The following MTTP variants were observed in gnomAD, a reference collection of about 807,000 sequenced individuals.
The protein encoded by MTTP is microsomal triglyceride transfer protein large subunit.
Under a neutral mutation model 90.6 loss-of-function variants are expected in MTTP, and 49 were observed. That is an observed-to-expected ratio of 0.54 (90% confidence interval 0.43 to 0.69). The LOEUF (loss-of-function observed/expected upper bound fraction) is 0.69, where lower values mean the gene tolerates loss of function less well. Among genes scored for constraint, MTTP ranks in the 30% least tolerant of loss-of-function variants. MTTP has a pLI of 0.00. For synonymous variants in MTTP, 347 were observed against 384.2 expected (o/e 0.90, Z 1.13); for missense variants, 945 against 1,067.5 (o/e 0.89, Z 1.60).
intron 10 of MTTP, among the ~76,000 whole-genome samples, 178 bp from the exon 11 acceptor site, chr4:99,606,570 A>T (rs1725821398): frequency 6.6e-6 from 1 of 152,192 alleles, no homozygotes; most frequent in African/African-American, 2.4e-5. Context: ...AAAAAGCATA[A>T]CACCTTTATC....
intron 1 of MTTP, among the ~76,000 whole-genome samples, chr4:99,568,040 A>T (rs1392199339): frequency 6.6e-6 from 1 of 152,138 alleles, no homozygotes; most frequent in Non-Finnish European, 1.5e-5. Flanking sequence ...AATAATAGAA[A>T]ATATTAGAGA....
At chr4:99,618,856 C>A in intron 15 of MTTP, 118 bp from the exon 16 acceptor site, 1 of 1,367,006 alleles carries the variant, frequency 7.3e-7, no homozygotes, top group Non-Finnish European at 1.0e-6. Context: ...AAGACTCCAA[C>A]ATCAACACAA....
chr4:99,568,322 T>C (rs1724754171), intron 1 of MTTP, among the ~76,000 whole-genome samples: 1 of 152,070 alleles, frequency 6.6e-6, no homozygotes. Context: ...TCACATGATA[T>C]AAGGTTAACA....
intron 1 of MTTP, among the ~76,000 whole-genome samples, chr4:99,575,647 A>C (rs1008946152): frequency 2.0e-5 from 3 of 152,228 alleles, no homozygotes; most frequent in African/African-American, 7.2e-5. Context: ...ACCATTGAAA[A>C]GGCAAGTGAA....
rs546491434 is a variant in MTTP at position 99,600,111 on chromosome 4, T to C, written c.1068-454T>C. Among the ~76,000 whole-genome samples, 13 of 152,288 alleles carry C rather than the reference T, an allele frequency of 8.5e-5. No homozygotes were observed. The South Asian group carries it at 2.7e-3, about 32-fold the overall frequency. On this transcript the variant is annotated intron_variant, in intron 8 of 17. Transcript: ENST00000265517. Reference sequence around the variant, plus strand: ...CCTTGGATTTAAGGTTAAAGGATTTTCCATCAAATAATACTGCTTTAGTTC... The same window carrying C: ...CCTTGGATTTAAGGTTAAAGGATTTCCCATCAAATAATACTGCTTTAGTTC...
chr4:99,617,546 T>G (rs980256265), intron 15 of MTTP, among the ~76,000 whole-genome samples: 1 of 152,062 alleles, frequency 6.6e-6, no homozygotes, highest in African/African-American at 2.4e-5. Context: ...CATAAAGAAG[T>G]TAGTCATCCT....
At chr4:99,613,198 T>G in intron 15 of MTTP, 58 bp downstream of exon 15, 1 of 1,420,138 alleles carries the variant, frequency 7.0e-7, no homozygotes, top group Non-Finnish European at 9.8e-7. Context: ...AGGCACGTTT[T>G]AAATATGCTT....
chr4:99,569,032 C>G (rs1724773303), intron 1 of MTTP, among the ~76,000 whole-genome samples: 4 of 151,624 alleles, frequency 2.6e-5, no homozygotes, highest in African/African-American at 7.3e-5. Flanking sequence ...AAAGAGTGCA[C>G]TATGAAAAAA....
chr4:99,574,687 G>C (rs1724910425), upstream of MTTP: 1 of 986,570 alleles, frequency 1.0e-6, no homozygotes, highest in Non-Finnish European at 1.5e-6. Flanking sequence ...AAAAGAGTGA[G>C]AGACTGAAAA....
chr4:99,591,384 A>C (rs1241923430), intron 5 of MTTP, 33 bp downstream of exon 5: 1 of 1,430,744 alleles, frequency 7.0e-7, no homozygotes. Context: ...TGAGGCATTA[A>C]AATAATTACA....
At chr4:99,616,747 T>A (rs1380654472) in intron 15 of MTTP, among the ~76,000 whole-genome samples, 3 of 152,190 alleles carry the variant, frequency 2.0e-5, no homozygotes, top group African/African-American at 7.2e-5. Context: ...TGCATTCTTC[T>A]TTTGTCCCTT....
chr4:99,603,499 G>A (rs558472026), intron 10 of MTTP, among the ~76,000 whole-genome samples: 1 of 152,210 alleles, frequency 6.6e-6, no homozygotes, highest in South Asian at 2.1e-4. Flanking sequence ...ATTAATGTAG[G>A]GGCAGAGGGC....
rs769978075 is a variant in MTTP at position 99,608,996 on chromosome 4, GTC to G, written c.1769+25_1769+26del. On this transcript the variant is annotated intron_variant, in intron 12 of 17. Transcript: ENST00000265517. ...CTGCAAGGTATAATACATTGCACAT[GTC>G]TCTCTGTGTATTCAAGCTTATTTGT... 10 of 1,591,546 alleles carry G rather than the reference GTC, an allele frequency of 6.3e-6. No individual in the cohort carries two copies. The African/African-American group carries it at 1.2e-4, about 19-fold the overall frequency.
intron 3 of MTTP, among the ~76,000 whole-genome samples, chr4:99,588,072 T>C (rs1317913890): frequency 1.3e-5 from 2 of 152,116 alleles, no homozygotes; most frequent in Non-Finnish European, 2.9e-5. Context: ...AATCCATCAC[T>C]AGGCAGAGTA....
chr4:99,605,177 C>T (rs2110227618), intron 10 of MTTP, among the ~76,000 whole-genome samples: 1 of 152,224 alleles, frequency 6.6e-6, no homozygotes, highest in African/African-American at 2.4e-5. Flanking sequence ...ACAGAGAGGT[C>T]TCATCGCTTC....
At position 99,597,083 on chromosome 4, in the gene MTTP, G is replaced by T. The variant is rs762020647; in HGVS notation, c.926G>T (p.Arg309Leu). ...KGCPSLSELWRSTRKYLQPDN... is the reference protein window; with the variant it reads ...KGCPSLSELWLSTRKYLQPDN... ...GTTTTGCAGCTCTCGGAGCTCTGGC[G>T]GTCCACCAGGAAATACCTGCAGCCT... Residue 309 changes from arginine to leucine, a missense_variant, in exon 8 of 18, where the codon CGG becomes CTG. Coordinates refer to ENST00000265517, the MANE Select transcript of MTTP (RefSeq NM_001386140.1). The T allele has an allele frequency of 3.1e-6, 5 of 1,613,772 alleles. No individual in the cohort carries two copies. The South Asian group carries it at 5.5e-5, about 18-fold the overall frequency.
At chr4:99,606,528 G>T (rs1725820232) in intron 10 of MTTP, among the ~76,000 whole-genome samples, 1 of 152,092 alleles carries the variant, frequency 6.6e-6, no homozygotes, top group Non-Finnish European at 1.5e-5. Context: ...AATACTCATT[G>T]CTTCTTAAGA....
Position 99,594,794 on chromosome 4 carries a change from G to A in MTTP, c.820G>A (p.Ala274Thr), listed in dbSNP as rs746939133. The change falls in exon 7 of 18, where the codon GCA (alanine) becomes ACA (threonine). Residue 274 changes from alanine to threonine, a missense_variant. Transcript: ENST00000265517. ...AAGATTGATGTCTGGAAAGCAGGCT[G>A]CAGCCATAATCAAAGCAGTTGATTC... ...GPRLMSGKQA[A>T]AIIKAVDSKY... 12 of 1,613,984 alleles carry A rather than the reference G, an allele frequency of 7.4e-6. No homozygotes were observed. Among genetic ancestry groups the A allele is most frequent in the East Asian group, 2.2e-5 (1 of 44,878 alleles).
At chr4:99,598,823 C>T (rs1297407280) in intron 8 of MTTP, among the ~76,000 whole-genome samples, 1 of 151,848 alleles carries the variant, frequency 6.6e-6, no homozygotes, top group African/African-American at 2.4e-5. Context: ...GCCACCACAC[C>T]CGGCTAATTC....
Sources: allele counts gnomAD v4.1 joint callset (sites outside exome capture counted in the v4.1 genomes callset), GRCh38; gene constraint gnomAD v4.1.1; transcripts MANE v1.5; gene names NCBI Gene and HGNC (gene_info 2026-07-23, HGNC 2026-07-21).